The following BPIFA1 variants were observed in gnomAD, a reference collection of about 807,000 sequenced individuals.
The protein encoded by BPIFA1 is BPI fold containing family A member 1.
Under a neutral mutation model 25.1 loss-of-function variants are expected in BPIFA1, and 24 were observed. That is an observed-to-expected ratio of 0.96 (90% confidence interval 0.69 to 1.35). The LOEUF (loss-of-function observed/expected upper bound fraction) is 1.35. Among genes scored for constraint, BPIFA1 ranks in the 40% most tolerant of loss-of-function variants. BPIFA1 has a pLI of 0.00. For synonymous variants in BPIFA1, 139 were observed against 131.8 expected, an observed-to-expected ratio of 1.05 and a Z score of -0.37; for missense variants, 344 against 303.7, an observed-to-expected ratio of 1.13 and a Z score of -0.99.
chr20:33,237,897 CAT>C (rs1491252790), intron 2 of BPIFA1, 26 bp downstream of exon 2: 33 of 1,268,204 alleles, frequency 2.6e-5, no homozygotes, highest in Admixed American at 1.1e-4. Context: ...TGTATGTGTG[CAT>C]GTGTGTGTGT....
chr20:33,236,779 G>T (rs773955062), intron 1 of BPIFA1, among the ~76,000 whole-genome samples: 1 of 152,174 alleles, frequency 6.6e-6, no homozygotes, highest in Non-Finnish European at 1.5e-5. Context: ...TGGGAGACCT[G>T]CCTTCAACCA....
chr20:33,242,625 AG>A, intron 8 of BPIFA1, 64 bp downstream of exon 8: 1 of 1,215,206 alleles, frequency 8.2e-7, no homozygotes, highest in Non-Finnish European at 1.2e-6. Context: ...GGTAGAAGGC[AG>A]ACGGGAGCTT....
In BPIFA1 at chr20:33,241,553, G is replaced by A. The variant is rs79436499; in HGVS notation, c.666+84G>A. 2.0e-3 allele frequency: 2,389 copies of A among 1,168,450 alleles called. 26 individuals are homozygous for A. The African/African-American group carries it at 0.029, about 14-fold the overall frequency. 72.4% of individuals were successfully genotyped at this position (1,168,450 alleles called of 1,614,324 possible). ...ACAAAGCCCTGAGCTAAGTGGGTCC[G>A]AGTCCCTCAATTTGATAAGTAACTT... On this transcript the variant is annotated intron_variant, in intron 6 of 8. Coordinates refer to ENST00000354297, the MANE Select transcript of BPIFA1 (RefSeq NM_130852.3).
At chr20:33,241,970 A>C (rs953064911) in intron 6 of BPIFA1, 86 bp from the exon 7 acceptor site, 9 of 1,189,350 alleles carry the variant, frequency 7.6e-6, no homozygotes, top group Non-Finnish European at 1.1e-5. Flanking sequence ...GAAAAATGAC[A>C]GGAAATTTCC....
At position 33,237,804 on chromosome 20, in the gene BPIFA1, C is replaced by T. The variant is rs377416490; in HGVS notation, c.93C>T (p.Thr31=). 73 of 1,603,256 alleles carry T rather than the reference C, an allele frequency of 4.6e-5. No homozygotes were observed. The highest frequency in any genetic ancestry group is 5.8e-5 in the Non-Finnish European group (68 of 1,174,712). ...GCCTGCCCGTGCCCCTGGACCAGAC[C>T]CTGCCCTTGAATGTGAATCCAGCCC... ...FGGLPVPLDQ[T]LPLNVNPALP... is the part of the protein sequence containing the mutation. The change falls in exon 2 of 9, where the codon ACC becomes ACT. Residue 31 remains threonine, a synonymous_variant. Transcript: ENST00000354297.
intron 2 of BPIFA1, 60 bp from the exon 3 acceptor site, chr20:33,237,995 G>A (rs1173437200): frequency 1.3e-6 from 2 of 1,565,136 alleles, no homozygotes; most frequent in Non-Finnish European, 1.7e-6. Context: ...ATGGGGGAGG[G>A]GGCCTGAGGA....
rs200268997 is a variant in BPIFA1 at position 33,237,748 on chromosome 20, C to T, written c.37C>T (p.Leu13=). 61 of 1,531,780 alleles carry T rather than the reference C, an allele frequency of 4.0e-5. No individual in the cohort carries two copies. Among genetic ancestry groups the T allele is most frequent in the Non-Finnish European group, 5.3e-5 (61 of 1,140,676 alleles). The allele number at this position is 1,531,780 out of a possible 1,614,324, so 94.9% of individuals were successfully genotyped here. Residue 13 remains leucine (L), a synonymous_variant, in exon 2 of 9, where the codon CTG becomes TTG. Coordinates refer to ENST00000354297, the MANE Select transcript of BPIFA1 (RefSeq NM_130852.3). ...QTGGLIVFYG[L]LAQTMAQFGG... is the part of the protein sequence containing the mutation. ...TGGGGGCCTCATTGTCTTCTACGGG[C>T]TGTTAGCCCAGACCATGGCCCAGTT...
rs199688261 is a variant in BPIFA1 at position 33,240,254 on chromosome 20, G to A, written c.450G>A (p.Leu150=). ...GCAGGCCCCTGGTCGGTGCAAGTCTGTTGAGGCTGGCTGTGAAGCTGGACA... is the reference window on the plus strand; with the variant it reads ...GCAGGCCCCTGGTCGGTGCAAGTCTATTGAGGCTGGCTGTGAAGCTGGACA... ...QVNTPLVGAS[L]LRLAVKLDIT... is the part of the protein sequence containing the mutation. Residue 150 remains leucine, a synonymous_variant, in exon 5 of 9, where the codon CTG becomes CTA. Coordinates refer to ENST00000354297, the MANE Select transcript of BPIFA1 (RefSeq NM_130852.3). 10 of 1,614,166 alleles carry A rather than the reference G, an allele frequency of 6.2e-6. No homozygotes were observed. Among genetic ancestry groups the A allele is most frequent in the Middle Eastern group, 3.3e-4 (2 of 6,028 alleles).
At chr20:33,238,659 C>T (rs6059184) in intron 3 of BPIFA1, among the ~76,000 whole-genome samples, 40,531 of 152,072 alleles carry the variant, frequency 0.27, 5,914 homozygotes, top group African/African-American at 0.36. Context: ...AGAACACAGA[C>T]GGCCTTTGAT....
intron 1 of BPIFA1, among the ~76,000 whole-genome samples, chr20:33,236,787 C>A (rs1978698972): frequency 6.6e-6 from 1 of 152,156 alleles, no homozygotes; most frequent in Admixed American, 6.5e-5. Context: ...CTGCCTTCAA[C>A]CACAGCTCTG....
chr20:33,242,581 C>T lies in BPIFA1; in HGVS notation c.*34+20C>T. On this transcript the variant is annotated intron_variant, in intron 8 of 8. Transcript: ENST00000354297. ...GAGCTGGTAAGTGCCCTTCCCCACA[C>T]CCCAGGGTTTTGGGGGCTGGCTGTT... 1 of 1,568,768 alleles carries T rather than the reference C, an allele frequency of 6.4e-7. No individual in the cohort carries two copies. The highest frequency in any genetic ancestry group is 8.8e-7 in the Non-Finnish European group (1 of 1,139,116).
chr20:33,242,051 G>T lies in BPIFA1; in HGVS notation c.667-5G>T. On this transcript the variant is annotated splice_polypyrimidine_tract_variant and splice_region_variant and intron_variant, in intron 6 of 8. Transcript: ENST00000354297. ...TGCCTAACTCTCCTCTCTGCCCCTG[G>T]CCAGGTGTGCCCTCTGGTCAATGAG... 1 of 1,613,884 alleles carries T rather than the reference G, an allele frequency of 6.2e-7. No individual in the cohort carries two copies. The highest frequency in any genetic ancestry group is 8.5e-7 in the Non-Finnish European group (1 of 1,179,790).
At chr20:33,238,278 C>T in intron 3 of BPIFA1, 64 bp downstream of exon 3, 1 of 1,542,422 alleles carries the variant, frequency 6.5e-7, no homozygotes, top group South Asian at 1.2e-5. Context: ...ATCTGCCAGC[C>T]CCAGGCAGTG....
chr20:33,236,625 C>T lies in BPIFA1; in HGVS notation c.-16+575C>T, dbSNP rs78332406. On this transcript the variant is annotated intron_variant, in intron 1 of 8. Coordinates refer to ENST00000354297, the MANE Select transcript of BPIFA1 (RefSeq NM_130852.3). Reference sequence around the variant, plus strand: ...GTACTAGTGCTGGCTCTGGACAACTCTGCTGGCTGCCAAATAGACCTGTGA... The same window carrying T: ...GTACTAGTGCTGGCTCTGGACAACTTTGCTGGCTGCCAAATAGACCTGTGA... Among the ~76,000 whole-genome samples, 1,032 of 152,314 alleles carry T rather than the reference C, an allele frequency of 6.8e-3. 17 individuals are homozygous for T. Among genetic ancestry groups the T allele is most frequent in the African/African-American group, 0.024 (977 of 41,564 alleles).
intron 1 of BPIFA1, among the ~76,000 whole-genome samples, chr20:33,237,415 T>C (rs988228308): frequency 2.0e-5 from 3 of 152,184 alleles, no homozygotes; most frequent in African/African-American, 7.2e-5. Flanking sequence ...TGGAATGTGG[T>C]GGAGTGGGGC....
At chr20:33,236,654 G>T (rs188782089) in intron 1 of BPIFA1, among the ~76,000 whole-genome samples, 1 of 152,332 alleles carries the variant, frequency 6.6e-6, no homozygotes, top group East Asian at 1.9e-4. Context: ...CCTGTGAGAG[G>T]TCTGCAAGCC....
Position 33,239,930 on chromosome 20 carries a change from G to A in BPIFA1, c.428+20G>A. On this transcript the variant is annotated intron_variant, in intron 4 of 8. Coordinates refer to ENST00000354297, the MANE Select transcript of BPIFA1 (RefSeq NM_130852.3). ...GAATACGTGAGTGGGTCCCAAGAGG[G>A]GGTGAGAGGATGGCTCACCGAGGGA... 1 of 1,603,878 alleles carries A rather than the reference G, an allele frequency of 6.2e-7. No individual in the cohort carries two copies. The highest frequency in any genetic ancestry group is 1.3e-5 in the African/African-American group (1 of 74,808).
intron 7 of BPIFA1, 57 bp downstream of exon 7, chr20:33,242,176 A>G (rs1272196903): frequency 1.3e-6 from 2 of 1,572,986 alleles, no homozygotes; most frequent in East Asian, 4.5e-5. Flanking sequence ...AACTTCCCCC[A>G]AGGAGTTTTT....
At chr20:33,236,662 G>A (rs1978692680) in intron 1 of BPIFA1, among the ~76,000 whole-genome samples, 1 of 152,208 alleles carries the variant, frequency 6.6e-6, no homozygotes, top group Admixed American at 6.5e-5. Flanking sequence ...AGGTCTGCAA[G>A]CCAAACCTCA....
Sources: allele counts gnomAD v4.1 joint callset (sites outside exome capture counted in the v4.1 genomes callset), GRCh38; gene constraint gnomAD v4.1.1; transcripts MANE v1.5; gene names NCBI Gene and HGNC (gene_info 2026-07-23, HGNC 2026-07-21).